PDE1C: variants seen among roughly 807,000 people sequenced by gnomAD.
PDE1C encodes phosphodiesterase 1C, also known as dual specificity calcium/calmodulin-dependent 3',5'-cyclic nucleotide phosphodiesterase 1C.
A neutral mutation model predicts 93.1 loss-of-function variants in PDE1C; 62 were observed. The ratio of observed to expected loss-of-function variants is 0.67; its 90% CI spans 0.54 to 0.82. The LOEUF (loss-of-function observed/expected upper bound fraction) is 0.82, where lower values mean the gene tolerates loss of function less well. Among genes scored for constraint, PDE1C ranks in the 40% least tolerant of loss-of-function variants. PDE1C has a pLI of 0.00. For missense variants in PDE1C, 742 were observed against 884.6 expected, an observed-to-expected ratio of 0.84 and a Z score of 2.04; for synonymous variants, 325 against 310.1, an observed-to-expected ratio of 1.05 and a Z score of -0.50.
chr7:31,933,220 C>T (rs1215866114), intron 2 of PDE1C, among the ~76,000 whole-genome samples: 1 of 151,710 alleles, frequency 6.6e-6, no homozygotes, highest in African/African-American at 2.4e-5. Context: ...TAACCCAGAA[C>T]TTAAAGTTTA....
At chr7:31,928,524 A>T (rs1292611335) in intron 2 of PDE1C, among the ~76,000 whole-genome samples, 1 of 152,232 alleles carries the variant, frequency 6.6e-6, no homozygotes, top group Non-Finnish European at 1.5e-5. Flanking sequence ...TGTTAAGGGC[A>T]GCCAGACAGA....
At chr7:31,672,951 G>A in the PDE1C span, among the ~76,000 whole-genome samples, 1 of 152,166 alleles carries the variant, frequency 6.6e-6, no homozygotes, top group Non-Finnish European at 1.5e-5. Context: ...TTTGATAAGT[G>A]TCTTGTGCCT....
intron 6 of PDE1C, among the ~76,000 whole-genome samples, chr7:31,866,469 A>T (rs1268854082): frequency 1.3e-5 from 2 of 152,198 alleles, no homozygotes; most frequent in African/African-American, 4.8e-5. Context: ...GAAAGTCTCC[A>T]GCATCCTCTC....
At chr7:32,176,569 A>ATGAAC (rs1382997006) in intron 2 of PDE1C, among the ~76,000 whole-genome samples, 2 of 152,228 alleles carry the variant, frequency 1.3e-5, no homozygotes, top group Non-Finnish European at 2.9e-5. Flanking sequence ...AGAAACAGAA[A>ATGAAC]TGAACCTAAC....
At chr7:32,019,352 A>C (rs1788347615) in intron 2 of PDE1C, among the ~76,000 whole-genome samples, 1 of 152,116 alleles carries the variant, frequency 6.6e-6, no homozygotes, top group African/African-American at 2.4e-5. Context: ...CTGGAGGTGC[A>C]CATATTGTTT....
intron 2 of PDE1C, among the ~76,000 whole-genome samples, chr7:32,001,316 A>G (rs1003335655): frequency 2.0e-5 from 3 of 152,270 alleles, no homozygotes; most frequent in Admixed American, 2.0e-4. Context: ...TTTTAAAAAT[A>G]AACAAAAGAT....
Position 31,988,852 on chromosome 7 carries a change from G to A in PDE1C, c.128+62702C>T, listed in dbSNP as rs146827584. On this transcript the variant is annotated intron_variant, in intron 2 of 17. Transcript: ENST00000396191. ...TCTACTAAAAATACAAAAATTAGCT[G>A]GGCGTAGTGGCACATGCCTGTAATC... Among the ~76,000 whole-genome samples, 48 of 152,048 alleles carry A rather than the reference G, an allele frequency of 3.2e-4. No individual in the cohort carries two copies. The East Asian group carries it at 7.2e-3, about 23-fold the overall frequency.
intron 2 of PDE1C, among the ~76,000 whole-genome samples, chr7:31,891,279 G>A (rs1346113250): frequency 2.6e-5 from 4 of 152,126 alleles, no homozygotes; most frequent in African/African-American, 9.7e-5. Flanking sequence ...GAGAGAAGCT[G>A]GAAAACACAG....
chr7:31,710,191 G>C, the PDE1C span, among the ~76,000 whole-genome samples: 36 of 152,232 alleles, frequency 2.4e-4, no homozygotes, highest in African/African-American at 8.4e-4. Flanking sequence ...AAGCATTACA[G>C]GGTAGCCCAT....
Position 32,264,121 on chromosome 7 carries a change from T to A in PDE1C, c.85+34530A>T, listed in dbSNP as rs184576173. ...ACCACGATGGATGCAAAATTATGAT[T>A]GTAGAAGCTCTACAGGTCACTAGGG... On this transcript the variant is annotated intron_variant, in intron 1 of 18. Transcript: ENST00000396193. 2.7e-3 allele frequency among the ~76,000 whole-genome samples: 405 copies of A among 152,344 alleles called. 5 individuals are homozygous for A. Among genetic ancestry groups the A allele is most frequent in the African/African-American group, 9.0e-3 (373 of 41,586 alleles).
At chr7:31,737,445 A>G in the PDE1C span, among the ~76,000 whole-genome samples, 5 of 152,344 alleles carry the variant, frequency 3.3e-5, no homozygotes, top group South Asian at 1.0e-3. Context: ...ACATGCCAAC[A>G]TAAGTCTGAA....
At chr7:31,901,705 TA>T (rs1355281289) in intron 2 of PDE1C, among the ~76,000 whole-genome samples, 1 of 151,440 alleles carries the variant, frequency 6.6e-6, no homozygotes, top group African/African-American at 2.4e-5. Flanking sequence ...TGTCTTGTCC[TA>T]CCATCTATAA....
At chr7:31,722,582 T>C in the PDE1C span, among the ~76,000 whole-genome samples, 2 of 152,188 alleles carry the variant, frequency 1.3e-5, no homozygotes, top group Non-Finnish European at 2.9e-5. Flanking sequence ...TGAGGGTGGA[T>C]GGAGCTGTTA....
At chr7:31,798,740 T>C (rs1785617979) in intron 16 of PDE1C, among the ~76,000 whole-genome samples, 1 of 151,730 alleles carries the variant, frequency 6.6e-6, no homozygotes, top group East Asian at 1.9e-4. Context: ...CATTCAAATA[T>C]GAGTGTGCTG....
chr7:32,259,007 C>T lies in PDE1C; in HGVS notation c.85+39644G>A, dbSNP rs77653967. ...ACTGAGGAGGTCCTCAGTAGGGTCC[C>T]CCCATATCACTTCATGGTTTGGACA... On this transcript the variant is annotated intron_variant, in intron 1 of 18. Transcript: ENST00000396193. Among the ~76,000 whole-genome samples, 873 of 152,244 alleles carry T rather than the reference C, an allele frequency of 5.7e-3. 3 individuals carry two copies. Among genetic ancestry groups the T allele is most frequent in the African/African-American group, 0.02 (835 of 41,538 alleles).
chr7:31,660,232 T>C, the PDE1C span, among the ~76,000 whole-genome samples: 1 of 152,198 alleles, frequency 6.6e-6, no homozygotes, highest in Non-Finnish European at 1.5e-5. Context: ...GAGAACGGAC[T>C]AATACACTAG....
the PDE1C span, among the ~76,000 whole-genome samples, chr7:31,699,771 A>G: frequency 6.6e-6 from 1 of 151,928 alleles, no homozygotes; most frequent in Non-Finnish European, 1.5e-5. Flanking sequence ...TAGTTCTTGC[A>G]CTGTTTAGAA....
intron 6 of PDE1C, among the ~76,000 whole-genome samples, chr7:31,870,692 C>T (rs998053749): frequency 6.6e-6 from 1 of 152,138 alleles, no homozygotes. Context: ...GGACTAACAT[C>T]AGTTCTCCTC....
At chr7:32,343,139 G>A (rs540470099) in intron 1 of PDE1C, among the ~76,000 whole-genome samples, 9 of 152,294 alleles carry the variant, frequency 5.9e-5, no homozygotes, top group African/African-American at 2.2e-4. Flanking sequence ...TGAACAGCAG[G>A]AAAGGCAGAA....
Sources: gnomAD v4.1 joint callset for allele counts (sites outside exome capture counted in the v4.1 genomes callset) on GRCh38, gnomAD v4.1.1 for gene constraint, MANE v1.5 for transcripts, NCBI Gene and HGNC (gene_info 2026-07-23, HGNC 2026-07-21) for gene names.